The following PARD3B variants were observed in gnomAD, a reference collection of about 807,000 sequenced individuals.
PARD3B encodes partitioning defective 3 homolog B.
A neutral mutation model predicts 130.2 loss-of-function variants in PARD3B; 103 were observed. The observed-to-expected ratio is 0.79, with a 90% CI of 0.67 to 0.93. The LOEUF (loss-of-function observed/expected upper bound fraction) is 0.93, where lower values mean the gene tolerates loss of function less well. PARD3B is among the 40% of genes least tolerant of loss of function. PARD3B has a pLI of 0.00. For synonymous variants in PARD3B, 583 were observed against 553.2 expected (o/e 1.05, Z -0.76); for missense variants, 1,609 against 1,499.2 (o/e 1.07, Z -1.21).
intron 18 of PARD3B, among the ~76,000 whole-genome samples, chr2:205,314,412 T>C (rs879848347): frequency 6.6e-6 from 1 of 152,192 alleles, no homozygotes; most frequent in African/African-American, 2.4e-5. Flanking sequence ...CGCTTCAGTG[T>C]ATACTTTCTT....
At chr2:205,480,471 T>C (rs1452753030) in intron 20 of PARD3B, among the ~76,000 whole-genome samples, 1 of 152,210 alleles carries the variant, frequency 6.6e-6, no homozygotes, top group Non-Finnish European at 1.5e-5. Flanking sequence ...GTTTGTGTAT[T>C]GTTTCATCCC....
chr2:204,961,243 A>G (rs1690718267), intron 2 of PARD3B, among the ~76,000 whole-genome samples: 1 of 152,152 alleles, frequency 6.6e-6, no homozygotes, highest in Non-Finnish European at 1.5e-5. Context: ...GCGCAGGGGA[A>G]AGAGGCAGTG....
intron 1 of PARD3B, among the ~76,000 whole-genome samples, chr2:204,643,960 C>T (rs2035183811): frequency 6.6e-6 from 1 of 152,214 alleles, no homozygotes; most frequent in African/African-American, 2.4e-5. Flanking sequence ...TATTTCATGT[C>T]TGTACACTGG....
At position 204,867,694 on chromosome 2, in the gene PARD3B, C is replaced by G. The variant is rs371770586; in HGVS notation, c.223-97458C>G. On this transcript the variant is annotated intron_variant, in intron 2 of 22. Transcript: ENST00000406610. Reference sequence around the variant, plus strand: ...CAGTAGTGAAAGAGAAATCCCTGACCATTTTATGTGTTTTGCCACTTCATT... The same window carrying G: ...CAGTAGTGAAAGAGAAATCCCTGACGATTTTATGTGTTTTGCCACTTCATT... Among the ~76,000 whole-genome samples the G allele has an allele frequency of 1.1e-4, 17 of 152,066 alleles. No homozygotes were observed. In the South Asian group the frequency reaches 3.1e-3, roughly 28 times the overall value.
chr2:205,225,609 T>C (rs1362778447), intron 15 of PARD3B, among the ~76,000 whole-genome samples: 2 of 152,198 alleles, frequency 1.3e-5, no homozygotes, highest in East Asian at 1.9e-4. Flanking sequence ...TAACTCATAG[T>C]TCTGCAGGCT....
At chr2:205,518,840 CTTAGT>C (rs759033677) in intron 21 of PARD3B, among the ~76,000 whole-genome samples, 5 of 152,104 alleles carry the variant, frequency 3.3e-5, no homozygotes, top group African/African-American at 1.2e-4. Context: ...GCTTAGGAAC[CTTAGT>C]TTAGTTTAGC....
At chr2:205,534,691 A>C (rs2051763070) in intron 21 of PARD3B, among the ~76,000 whole-genome samples, 1 of 151,924 alleles carries the variant, frequency 6.6e-6, no homozygotes, top group Non-Finnish European at 1.5e-5. Context: ...CTGGTCTTGA[A>C]CTCCTGACCT....
intron 10 of PARD3B, among the ~76,000 whole-genome samples, chr2:205,145,303 C>A (rs2033270379): frequency 6.7e-6 from 1 of 148,936 alleles, no homozygotes; most frequent in African/African-American, 2.5e-5. Context: ...CAGAAACTTC[C>A]CAATCCAACC....
intron 11 of PARD3B, among the ~76,000 whole-genome samples, chr2:205,169,638 G>A (rs6757454): frequency 0.03 from 4,505 of 151,902 alleles, 114 homozygotes; most frequent in African/African-American, 0.066. Flanking sequence ...TCTTCCTGTC[G>A]TAGCAGATGA....
At chr2:205,214,407 T>G (rs1350108086) in intron 15 of PARD3B, among the ~76,000 whole-genome samples, 1 of 151,842 alleles carries the variant, frequency 6.6e-6, no homozygotes, top group East Asian at 1.9e-4. Context: ...TGGCAAATAT[T>G]GTGTAAGCTG....
chr2:204,833,515 A>G (rs2125572335), intron 2 of PARD3B, among the ~76,000 whole-genome samples: 1 of 152,112 alleles, frequency 6.6e-6, no homozygotes, highest in Admixed American at 6.5e-5. Flanking sequence ...CTTGAATTGG[A>G]GCTCCCACAA....
At chr2:204,999,566 G>A (rs759267024) in intron 3 of PARD3B, among the ~76,000 whole-genome samples, 8 of 152,188 alleles carry the variant, frequency 5.3e-5, no homozygotes, top group Non-Finnish European at 8.8e-5. Flanking sequence ...CACTGGAGAT[G>A]AGAACGTTTT....
At chr2:205,019,177 T>C (rs142363365) in intron 3 of PARD3B, among the ~76,000 whole-genome samples, 1,597 of 152,272 alleles carry the variant, frequency 0.01, 25 homozygotes, top group East Asian at 0.044. Context: ...ACTAATCTAC[T>C]TTCTGTCTTG....
intron 2 of PARD3B, among the ~76,000 whole-genome samples, chr2:204,702,441 A>G (rs1020638693): frequency 5.3e-5 from 8 of 152,160 alleles, no homozygotes; most frequent in African/African-American, 1.9e-4. Context: ...TCTGACTGGT[A>G]TAAGATGGTA....
In PARD3B at chr2:204,965,168, A is replaced by G; in HGVS notation, c.239A>G (p.Glu80Gly). ...TGTTTGTAGCTGATTGCTGTGTTTG[A>G]AGAACAAGAACCACTCCACAAGATT... The part of the protein sequence containing the change: ...EDKDKLIAVF[E>G]EQEPLHKIES... Residue 80 changes from glutamate (E) to glycine (G), a missense_variant, in exon 3 of 23, where the codon GAA becomes GGA. Glu to Gly is a moderately conservative substitution (Grantham distance 98). Coordinates refer to ENST00000406610, the MANE Select transcript of PARD3B (RefSeq NM_001302769.2). The G allele has an allele frequency of 6.2e-7, 1 of 1,613,340 alleles. No homozygotes were observed. Among genetic ancestry groups the G allele is most frequent in the Non-Finnish European group, 8.5e-7 (1 of 1,179,670 alleles).
At chr2:204,741,778 C>G (rs2040019043) in intron 2 of PARD3B, among the ~76,000 whole-genome samples, 1 of 152,142 alleles carries the variant, frequency 6.6e-6, no homozygotes, top group Non-Finnish European at 1.5e-5. Context: ...CACAAGCCAT[C>G]TGGCCCAGGG....
At position 205,488,981 on chromosome 2, in the gene PARD3B, A is replaced by G. The variant is rs571211979; in HGVS notation, c.3045-10915A>G. On this transcript the variant is annotated intron_variant, in intron 20 of 22. Coordinates refer to ENST00000406610, the MANE Select transcript of PARD3B (RefSeq NM_001302769.2). ...TATGGCTTATTTATCATTTTTTAAC[A>G]GAAGACACAATGGATGCACAGTTGC... Among the ~76,000 whole-genome samples, 3 of 152,324 alleles carry G rather than the reference A, an allele frequency of 2.0e-5. No homozygotes were observed. The South Asian group carries it at 6.2e-4, about 32-fold the overall frequency.
intron 18 of PARD3B, among the ~76,000 whole-genome samples, chr2:205,394,233 G>T (rs752861081): frequency 2.6e-5 from 4 of 152,192 alleles, no homozygotes; most frequent in Non-Finnish European, 5.9e-5. Context: ...TGTGTGGGGG[G>T]TTTTTCTATA....
chr2:204,977,744 G>A (rs1340968590), intron 3 of PARD3B, among the ~76,000 whole-genome samples: 3 of 150,584 alleles, frequency 2.0e-5, no homozygotes, highest in Admixed American at 6.6e-5. Context: ...CCCGGGAGGC[G>A]GAGCTTGCAG....
Sources: gnomAD v4.1 joint callset for allele counts (sites outside exome capture counted in the v4.1 genomes callset) on GRCh38, gnomAD v4.1.1 for gene constraint, MANE v1.5 for transcripts, NCBI Gene and HGNC (gene_info 2026-07-23, HGNC 2026-07-21) for gene names.